CCDC102B: variants seen among roughly 807,000 people sequenced by gnomAD.
The protein encoded by CCDC102B is coiled-coil domain containing 102B, also known as coiled-coil domain-containing protein 102B.
Under a neutral mutation model 57.4 loss-of-function variants are expected in CCDC102B, and 75 were observed. The observed-to-expected ratio is 1.31, with a 90% CI of 1.08 to 1.58. The LOEUF is 1.58. Among genes scored for constraint, CCDC102B ranks in the 40% most tolerant of loss-of-function variants. The probability of loss-of-function intolerance (pLI) is 0.00; values close to 1 mark genes in which losing one functional copy is unlikely to be tolerated. For synonymous variants in CCDC102B, 206 were observed against 201.9 expected, an observed-to-expected ratio of 1.02 and a Z score of -0.17; for missense variants, 636 against 582.6, an observed-to-expected ratio of 1.09 and a Z score of -0.94.
chr18:68,947,478 G>A (rs1255518803), intron 6 of CCDC102B, among the ~76,000 whole-genome samples: 2 of 152,016 alleles, frequency 1.3e-5, no homozygotes, highest in African/African-American at 2.4e-5. Context: ...GAGGGAGAGA[G>A]ATGGCTATAT....
At chr18:68,753,153 T>TA (rs977082253) in intron 2 of CCDC102B, 21 of 152,276 alleles carry the variant, frequency 1.4e-4, no homozygotes, top group African/African-American at 4.3e-4. Flanking sequence ...TTCATTTTTT[T>TA]AAAAAAGAAT....
chr18:68,848,146 G>A (rs977275369), intron 4 of CCDC102B, among the ~76,000 whole-genome samples: 3 of 151,490 alleles, frequency 2.0e-5, no homozygotes, highest in Non-Finnish European at 4.4e-5. Flanking sequence ...AGAATTTTAG[G>A]CTATATTTAG....
chr18:68,977,661 T>C (rs575281930), intron 6 of CCDC102B, among the ~76,000 whole-genome samples: 1 of 151,920 alleles, frequency 6.6e-6, no homozygotes, highest in East Asian at 1.9e-4. Flanking sequence ...ATGATGATGA[T>C]GACGATGACT....
Position 68,790,249 on chromosome 18 carries a change from C to T in CCDC102B, c.-66-33117C>T, listed in dbSNP as rs557009524. 2.4e-3 allele frequency among the ~76,000 whole-genome samples: 367 copies of T among 151,838 alleles called. 1 individual carries two copies. Among genetic ancestry groups the T allele is most frequent in the African/African-American group, 8.7e-3 (357 of 41,192 alleles). ...TGTCTTCAAAGCTGTCAGACTGGGA[C>T]ATTTAAGTCTGCAGAGGTTACTGCT... On this transcript the variant is annotated intron_variant, in intron 2 of 3. Transcript: ENST00000578970.
chr18:68,754,800 T>G (rs1202555889), intron 2 of CCDC102B: 2 of 152,180 alleles, frequency 1.3e-5, no homozygotes, highest in Admixed American at 1.3e-4. Context: ...GATTAGATAC[T>G]GACTGGAGCT....
At chr18:69,045,107 T>C (rs1203290459) in intron 7 of CCDC102B, among the ~76,000 whole-genome samples, 1 of 152,054 alleles carries the variant, frequency 6.6e-6, no homozygotes, top group African/African-American at 2.4e-5. Flanking sequence ...TAGCCTTAAT[T>C]ACCTTCTTAC....
chr18:69,004,657 T>C (rs2051291768), intron 6 of CCDC102B, among the ~76,000 whole-genome samples: 1 of 152,154 alleles, frequency 6.6e-6, no homozygotes, highest in South Asian at 2.1e-4. Flanking sequence ...CATCTGAGTA[T>C]TTTTTTAATA....
chr18:69,039,620 C>T (rs1017216464), intron 7 of CCDC102B, among the ~76,000 whole-genome samples: 1 of 151,782 alleles, frequency 6.6e-6, no homozygotes, highest in African/African-American at 2.4e-5. Flanking sequence ...TTCTTATATC[C>T]TCTTCAATAT....
chr18:68,782,726 T>C (rs1287731073), intron 2 of CCDC102B, among the ~76,000 whole-genome samples: 3 of 152,188 alleles, frequency 2.0e-5, no homozygotes, highest in Admixed American at 2.0e-4. Flanking sequence ...TGAGGGAAAT[T>C]TGTTTGAAAG....
intron 2 of CCDC102B, chr18:68,838,460 C>T (rs1568279379): frequency 1.0e-6 from 1 of 984,834 alleles, no homozygotes; most frequent in East Asian, 1.1e-4. Flanking sequence ...AAAAAGAGAA[C>T]AAACAAGAGT....
In CCDC102B at chr18:68,809,610, A is replaced by G. The variant is rs998596773; in HGVS notation, c.-16+11429A>G. On this transcript the variant is annotated intron_variant, in intron 1 of 7. Transcript: ENST00000360242. ...GCTACATAATTTTTAAAATAAATAC[A>G]TACTCATTTCCATGAGTCAGATTTT... Among the ~76,000 whole-genome samples, 11 of 152,318 alleles carry G rather than the reference A, an allele frequency of 7.2e-5. No individual in the cohort carries two copies. In the East Asian group the frequency reaches 2.1e-3, roughly 29 times the overall value.
chr18:68,728,759 T>C (rs1167873265), intron 2 of CCDC102B, among the ~76,000 whole-genome samples: 3 of 151,880 alleles, frequency 2.0e-5, no homozygotes, highest in African/African-American at 7.3e-5. Flanking sequence ...ACAAAAAAAA[T>C]AGAAGAATTT....
intron 6 of CCDC102B, among the ~76,000 whole-genome samples, chr18:68,903,251 C>G (rs897290281): frequency 3.3e-5 from 5 of 152,162 alleles, no homozygotes; most frequent in Non-Finnish European, 5.9e-5. Context: ...AGATACCTCC[C>G]TGATCCTAAA....
intron 5 of CCDC102B, among the ~76,000 whole-genome samples, chr18:68,891,693 A>T (rs1395584544): frequency 6.6e-6 from 1 of 152,196 alleles, no homozygotes; most frequent in Non-Finnish European, 1.5e-5. Context: ...TTGCCTTCTC[A>T]CTTGTGTCAT....
At chr18:69,053,382 T>A (rs899573349) in intron 7 of CCDC102B, among the ~76,000 whole-genome samples, 35 of 151,602 alleles carry the variant, frequency 2.3e-4, no homozygotes, top group Non-Finnish European at 4.1e-4. Flanking sequence ...TACACGTGTA[T>A]TTTGTTCAAA....
At chr18:68,939,894 A>C (rs2049334130) in intron 6 of CCDC102B, among the ~76,000 whole-genome samples, 1 of 151,756 alleles carries the variant, frequency 6.6e-6, no homozygotes, top group Admixed American at 6.6e-5. Flanking sequence ...CTAATACCAA[A>C]TCCTTTGAAC....
rs182504776 is a variant in CCDC102B, at chr18:68,987,074, T to G, written c.1264-23860T>G. On this transcript the variant is annotated intron_variant, in intron 6 of 7. Transcript: ENST00000360242. ...TCACAGAATTGGAAACGTCTATTCT[T>G]AAATTCATATGGAACCAAAAAAGAG... Among the ~76,000 whole-genome samples, 114 of 152,240 alleles carry G rather than the reference T, an allele frequency of 7.5e-4. 1 individual carries two copies. The highest frequency in any genetic ancestry group is 6.2e-3 in the Admixed American group (95 of 15,280).
In CCDC102B at chr18:68,846,337, A is replaced by G; in HGVS notation, c.852A>G (p.Glu284=). Residue 284 remains glutamate, a synonymous_variant, in exon 4 of 8, where the codon GAA becomes GAG. Transcript: ENST00000360242. ...EREMRTALEK[E]IERLESALSL... is the part of the protein sequence containing the mutation. Reference sequence around the variant, plus strand: ...GAATGCGCACAGCTTTGGAAAAAGAAATAGAGAGACTGGAGTCGGCTTTGT... The same window carrying G: ...GAATGCGCACAGCTTTGGAAAAAGAGATAGAGAGACTGGAGTCGGCTTTGT... The G allele has an allele frequency of 6.3e-7, 1 of 1,575,634 alleles. No individual in the cohort carries two copies. The highest frequency in any genetic ancestry group is 8.6e-7 in the Non-Finnish European group (1 of 1,165,328).
At chr18:68,839,571 A>G (rs1188834474) in intron 3 of CCDC102B, among the ~76,000 whole-genome samples, 1 of 152,186 alleles carries the variant, frequency 6.6e-6, no homozygotes, top group Non-Finnish European at 1.5e-5. Flanking sequence ...AATCGCGAGC[A>G]TGGCTTGGCA....
Sources: gnomAD v4.1 joint callset for allele counts (sites outside exome capture counted in the v4.1 genomes callset) on GRCh38, gnomAD v4.1.1 for gene constraint, MANE v1.5 for transcripts, NCBI Gene and HGNC (gene_info 2026-07-23, HGNC 2026-07-21) for gene names.